The following RELN variants were observed in gnomAD, a reference collection of about 807,000 sequenced individuals.
The protein encoded by RELN is reelin.
Under a neutral mutation model 427.6 loss-of-function variants are expected in RELN, and 108 were observed. The ratio of observed to expected loss-of-function variants is 0.25; its 90% CI spans 0.22 to 0.30. The LOEUF is 0.30. RELN is among the 10% of genes least tolerant of loss of function. The pLI, the probability that RELN is intolerant of heterozygous loss-of-function variation, is 1.00. For missense variants in RELN, 3,715 were observed against 4,302.8 expected, an observed-to-expected ratio of 0.86 and a Z score of 3.82; for synonymous variants, 1,524 against 1,513.4, an observed-to-expected ratio of 1.01 and a Z score of -0.16.
At chr7:103,505,675 C>A (rs1829184977) in intron 51 of RELN, among the ~76,000 whole-genome samples, 1 of 152,186 alleles carries the variant, frequency 6.6e-6, no homozygotes, top group Non-Finnish European at 1.5e-5. Flanking sequence ...CAGAATGCCT[C>A]TTCTCCTCCA....
At chr7:103,559,007 C>A in intron 36 of RELN, among the ~76,000 whole-genome samples, 1 of 152,172 alleles carries the variant, frequency 6.6e-6, no homozygotes, top group East Asian at 1.9e-4. Context: ...TTAAGTAGAG[C>A]AAATTCCACA....
chr7:103,933,634 G>T (rs2116714745), intron 1 of RELN, among the ~76,000 whole-genome samples: 1 of 152,200 alleles, frequency 6.6e-6, no homozygotes, highest in Admixed American at 6.5e-5. Flanking sequence ...AGCCCAGGTT[G>T]CCTAAGAGCT....
chr7:103,945,036 GC>G (rs2116746967), intron 1 of RELN, among the ~76,000 whole-genome samples: 1 of 152,224 alleles, frequency 6.6e-6, no homozygotes, highest in East Asian at 1.9e-4. Context: ...GTTCTACCTG[GC>G]AGTGCCTCCA....
chr7:103,793,049 C>T (rs1416121257), intron 3 of RELN, among the ~76,000 whole-genome samples: 1 of 152,024 alleles, frequency 6.6e-6, no homozygotes, highest in African/African-American at 2.4e-5. Flanking sequence ...ATAGGTGACC[C>T]AAGGAAACTA....
At chr7:103,616,840 T>C (rs1171109002) in intron 20 of RELN, among the ~76,000 whole-genome samples, 1 of 152,226 alleles carries the variant, frequency 6.6e-6, no homozygotes, top group Non-Finnish European at 1.5e-5. Flanking sequence ...TTTTTACTAT[T>C]ATAAGAAATG....
intron 57 of RELN, among the ~76,000 whole-genome samples, chr7:103,494,793 T>C (rs762541164): frequency 6.6e-6 from 1 of 152,180 alleles, no homozygotes; most frequent in Non-Finnish European, 1.5e-5. Flanking sequence ...TCCTCCTTAA[T>C]TTTTTGAGGA....
chr7:103,816,682 T>A (rs1468251619), intron 3 of RELN, among the ~76,000 whole-genome samples: 1 of 152,094 alleles, frequency 6.6e-6, no homozygotes, highest in South Asian at 2.1e-4. Context: ...TATTCTCCTT[T>A]CAGTGGGCCT....
intron 8 of RELN, among the ~76,000 whole-genome samples, chr7:103,716,972 T>A (rs6954563): frequency 0.26 from 39,162 of 152,020 alleles, 5,181 homozygotes; most frequent in South Asian, 0.38. Flanking sequence ...CTTCTACTAG[T>A]ACAGTCCCCC....
chr7:103,485,884 T>A (rs1431289035), intron 61 of RELN, among the ~76,000 whole-genome samples: 3 of 152,254 alleles, frequency 2.0e-5, no homozygotes, highest in Non-Finnish European at 4.4e-5. Context: ...GTGCTCAACA[T>A]TAAATTATCT....
At chr7:103,604,293 CAGCCACAA>C in intron 23 of RELN, 45 bp downstream of exon 23, 1 of 1,609,836 alleles carries the variant, frequency 6.2e-7, no homozygotes, top group Non-Finnish European at 8.5e-7. Flanking sequence ...TGGTATCCTC[CAGCCACAA>C]ATCTTGAGAA....
chr7:103,818,178 A>G (rs1302126023), intron 3 of RELN, among the ~76,000 whole-genome samples: 2 of 152,134 alleles, frequency 1.3e-5, no homozygotes, highest in East Asian at 3.9e-4. Flanking sequence ...AGTATCAGAC[A>G]AAGAGGCTCA....
intron 1 of RELN, among the ~76,000 whole-genome samples, chr7:103,972,992 G>T (rs10953399): frequency 0.16 from 24,301 of 151,978 alleles, 2,006 homozygotes; most frequent in Middle Eastern, 0.29. Flanking sequence ...ATGTATTCAT[G>T]ATGTCAGCAG....
chr7:103,672,020 CAA>C (rs1244175713), intron 11 of RELN, among the ~76,000 whole-genome samples: 3 of 152,128 alleles, frequency 2.0e-5, no homozygotes, highest in Admixed American at 1.3e-4. Context: ...TCAGAGGTAA[CAA>C]TTCATCTGGA....
At chr7:103,982,661 C>G (rs1797016158) in intron 1 of RELN, among the ~76,000 whole-genome samples, 1 of 151,926 alleles carries the variant, frequency 6.6e-6, no homozygotes, top group African/African-American at 2.4e-5. Context: ...AGATGAGATA[C>G]AGTGGGAAGG....
intron 10 of RELN, among the ~76,000 whole-genome samples, chr7:103,696,865 C>T (rs910605485): frequency 1.3e-5 from 2 of 152,156 alleles, no homozygotes; most frequent in Non-Finnish European, 2.9e-5. Flanking sequence ...TCTCTATCAC[C>T]TTCAAGATAA....
At chr7:103,513,098 A>T (rs891870107) in intron 50 of RELN, 2 of 152,202 alleles carry the variant, frequency 1.3e-5, no homozygotes, top group Non-Finnish European at 2.9e-5. Context: ...AGTGCACAGA[A>T]ATTTGAATTC....
chr7:103,609,391 T>C (rs1213643511), intron 22 of RELN, among the ~76,000 whole-genome samples: 1 of 152,164 alleles, frequency 6.6e-6, no homozygotes, highest in Admixed American at 6.5e-5. Flanking sequence ...TTTCCATTGT[T>C]TGAAGTGCTG....
chr7:103,491,998 C>A lies in RELN; in HGVS notation c.9398G>T (p.Cys3133Phe). 2 of 1,613,520 alleles carry A rather than the reference C, an allele frequency of 1.2e-6. No individual in the cohort carries two copies. Among genetic ancestry groups the A allele is most frequent in the Non-Finnish European group, 1.7e-6 (2 of 1,179,786 alleles). The change falls in exon 58 of 65, where the codon TGT becomes TTT. Residue 3133 changes from cysteine (C) to phenylalanine (F), a missense_variant. By Grantham distance (205) the Cys-to-Phe change is radical. Coordinates refer to ENST00000428762, the MANE Select transcript of RELN (RefSeq NM_005045.4). ...CAGCATTACGGAATGAAGGTCACCA[C>A]AAGAAGTGGCTTCACAACCCACCAC... ...KIVVGCEATS[C>F]GDLHSVMLEY... is the part of the protein sequence containing the mutation.
chr7:103,754,662 G>A (rs912699226), intron 4 of RELN, among the ~76,000 whole-genome samples: 3 of 152,150 alleles, frequency 2.0e-5, no homozygotes, highest in African/African-American at 7.2e-5. Flanking sequence ...TGTAGTCCTA[G>A]CTACTCAGGA....
Sources: allele counts gnomAD v4.1 joint callset (sites outside exome capture counted in the v4.1 genomes callset), GRCh38; gene constraint gnomAD v4.1.1; transcripts MANE v1.5; gene names NCBI Gene and HGNC (gene_info 2026-07-23, HGNC 2026-07-21).